The following AACS variants were observed in gnomAD, a reference collection of about 807,000 sequenced individuals.
AACS encodes acetoacetate-CoA ligase.
In AACS, 69 loss-of-function variants were observed where a neutral mutation model predicts 83.1. The ratio of observed to expected loss-of-function variants is 0.83; its 90% CI spans 0.68 to 1.01. The LOEUF is 1.01. AACS is among the 50% of genes least tolerant of loss of function. The pLI is 0.00. For missense variants in AACS, 866 were observed against 882.2 expected, an observed-to-expected ratio of 0.98 and a Z score of 0.23; for synonymous variants, 333 against 343.4, an observed-to-expected ratio of 0.97 and a Z score of 0.33.
chr12:125,065,843 C>G lies in AACS; in HGVS notation c.133+126C>G, dbSNP rs1420973643. ...GAGGAGCCACTTGATGGCGGGGAGG[C>G]CTTCTGACTGCGGGGTTCCCCCCAG... is the stretch of plus-strand genomic sequence containing the variant. On this transcript the variant is annotated intron_variant, in intron 1 of 17. Transcript: ENST00000316519. The G allele has an allele frequency of 2.2e-6, 3 of 1,335,146 alleles. No homozygotes were observed. The East Asian group carries it at 9.2e-5, about 41-fold the overall frequency. 82.7% of individuals were successfully genotyped at this position (1,335,146 alleles called of 1,614,324 possible).
chr12:125,114,611 G>T, intron 9 of AACS, 54 bp downstream of exon 9: 1 of 1,513,216 alleles, frequency 6.6e-7, no homozygotes. Flanking sequence ...GGGCTTCCCT[G>T]GGTGCCAGCC....
chr12:125,111,064 G>A (rs780994241), intron 8 of AACS, among the ~76,000 whole-genome samples: 4 of 152,192 alleles, frequency 2.6e-5, no homozygotes, highest in Non-Finnish European at 4.4e-5. Flanking sequence ...GGTCAGGGGT[G>A]GGGGGCAAAG....
At chr12:125,134,114 C>A in intron 15 of AACS, 42 bp downstream of exon 15, 1 of 1,600,230 alleles carries the variant, frequency 6.2e-7, no homozygotes, top group South Asian at 1.1e-5. Context: ...GGAGCCCCAC[C>A]TTCCAGAGGC....
intron 5 of AACS, among the ~76,000 whole-genome samples, chr12:125,096,800 G>T (rs1384397075): frequency 2.0e-5 from 3 of 152,006 alleles, no homozygotes; most frequent in Admixed American, 6.6e-5. Context: ...TTGCTCTCGG[G>T]GGGTGCATCT....
rs972824620 is a variant in AACS, at chr12:125,097,367, G to T, written c.571-5312G>T. On this transcript the variant is annotated intron_variant, in intron 5 of 17. Transcript: ENST00000316519. This position sits in a 1 kb window ranked among gnomAD's most constrained non-coding sequence, Gnocchi z 4.3. ...CTGATGTCCTGAGGCCAGGGGCCAAGTCCCTGTTACCTGTATGTCCCATGC... is the reference window on the plus strand; with the variant it reads ...CTGATGTCCTGAGGCCAGGGGCCAATTCCCTGTTACCTGTATGTCCCATGC... Among the ~76,000 whole-genome samples, 1 of 151,630 alleles carries T rather than the reference G, an allele frequency of 6.6e-6. No homozygotes were observed. The highest frequency in any genetic ancestry group is 1.5e-5 in the Non-Finnish European group (1 of 67,956).
intron 9 of AACS, chr12:125,118,164 G>T (rs1187809835): frequency 1.2e-5 from 2 of 162,036 alleles, no homozygotes; most frequent in Non-Finnish European, 1.3e-5. Flanking sequence ...CGGGCGGGAG[G>T]CAGGTTCCCG....
intron 15 of AACS, 93 bp downstream of exon 15, chr12:125,134,165 A>G: frequency 2.2e-6 from 3 of 1,379,294 alleles, no homozygotes; most frequent in Non-Finnish European, 3.0e-6. Flanking sequence ...AAAGTCAGTG[A>G]CCCCCTTCCT....
chr12:125,114,423 C>T, intron 8 of AACS, 54 bp from the exon 9 acceptor site: 24 of 1,474,302 alleles, frequency 1.6e-5, no homozygotes, highest in Non-Finnish European at 2.2e-5. Flanking sequence ...GTACCAGATT[C>T]CTGGTACTGT....
At position 125,124,909 on chromosome 12, in the gene AACS, CCA is replaced by C. The variant is rs772435620; in HGVS notation, c.1197_1198del (p.His399GlnfsTer57). On this transcript the variant is annotated frameshift_variant, in exon 12 of 18. Transcript: ENST00000316519. LOFTEE classifies it high-confidence loss of function. ...GGTGACTCTGCACCCCAGTGGAAAC[CCA>C]CAGTCTCCAGATGCTCCACACGATC... ...EEKAMKPVET[H>X]SLQMLHTILS... is the part of the protein sequence containing the mutation. 6.2e-7 allele frequency: 1 copy of C among 1,614,182 alleles called. No homozygotes were observed. Among genetic ancestry groups the C allele is most frequent in the Non-Finnish European group, 8.5e-7 (1 of 1,180,044 alleles).
intron 14 of AACS, among the ~76,000 whole-genome samples, chr12:125,133,115 C>T (rs953090409): frequency 2.6e-5 from 4 of 152,224 alleles, no homozygotes; most frequent in Non-Finnish European, 4.4e-5. Flanking sequence ...AGCAGAGATG[C>T]GCTTTTGATT....
intron 8 of AACS, among the ~76,000 whole-genome samples, chr12:125,112,485 C>T (rs773439607): frequency 6.6e-6 from 1 of 151,924 alleles, no homozygotes; most frequent in Non-Finnish European, 1.5e-5. Context: ...TCGAGACCAG[C>T]CTGGCCAACA....
At chr12:125,115,078 C>T (rs946489569) in intron 9 of AACS, among the ~76,000 whole-genome samples, 3 of 152,178 alleles carry the variant, frequency 2.0e-5, no homozygotes, top group African/African-American at 4.8e-5. Flanking sequence ...GTGGAATCCA[C>T]GCCATGAAAC....
chr12:125,074,067 C>T, intron 2 of AACS, 88 bp downstream of exon 2: 1 of 1,076,906 alleles, frequency 9.3e-7, no homozygotes, highest in Non-Finnish European at 1.4e-6. Flanking sequence ...TGAATTGTAT[C>T]TCCTTTTTAC....
intron 2 of AACS, among the ~76,000 whole-genome samples, chr12:125,075,117 G>A (rs1955989942): frequency 6.6e-6 from 1 of 151,686 alleles, no homozygotes; most frequent in Non-Finnish European, 1.5e-5. Flanking sequence ...TGGGATTACA[G>A]GCATGCGCCA....
At chr12:125,112,678 C>CAAAAAAAAAAAAAAAAA (rs56314902) in intron 8 of AACS, among the ~76,000 whole-genome samples, 1 of 108,440 alleles carries the variant, frequency 9.2e-6, no homozygotes, top group African/African-American at 3.9e-5. Flanking sequence ...GACTCTGTCT[C>CAAAAAAAAAAAAAAAAA]AAAAAAAAAA....
intron 1 of AACS, among the ~76,000 whole-genome samples, chr12:125,070,954 G>A (rs1366524575): frequency 6.6e-6 from 1 of 152,170 alleles, no homozygotes; most frequent in Non-Finnish European, 1.5e-5. Context: ...TATTGCTGGT[G>A]ACAAATCAGC....
intron 1 of AACS, 36 bp from the exon 2 acceptor site, chr12:125,073,840 C>T (rs1594570512): frequency 6.5e-7 from 1 of 1,547,486 alleles, no homozygotes; most frequent in South Asian, 1.1e-5. Context: ...GCCAAGATTT[C>T]CCTTCTAAGG....
intron 4 of AACS, among the ~76,000 whole-genome samples, chr12:125,090,066 C>T (rs1327502326): frequency 3.4e-5 from 5 of 145,550 alleles, no homozygotes; most frequent in African/African-American, 1.0e-4. Flanking sequence ...CCTCATCCAT[C>T]TATCCATCCA....
Position 125,097,433 on chromosome 12 carries a change from TAAAAAAA to T in AACS, c.571-5235_571-5229del, listed in dbSNP as rs35791342. Among the ~76,000 whole-genome samples, 6 of 136,096 alleles carry T rather than the reference TAAAAAAA, an allele frequency of 4.4e-5. No individual in the cohort carries two copies. The highest frequency in any genetic ancestry group is 9.5e-5 in the Non-Finnish European group (6 of 63,440). The allele number at this position is 136,096 out of a possible 152,430, so 89.3% of individuals were successfully genotyped here. A position where few individuals can be genotyped will look rare whatever the true frequency, so the allele number is the denominator to read the frequency against. On this transcript the variant is annotated intron_variant, in intron 5 of 17. Transcript: ENST00000316519. The surrounding 1 kb of genome is among the most constrained non-coding windows in gnomAD (Gnocchi z 4.3). ...TGCTGAAGTTGGCCAATGTTTTACT[TAAAAAAA>T]AAAAAAAAAAGTGCGTTGGGGCAGC...
Sources: gnomAD v4.1 joint callset for allele counts (sites outside exome capture counted in the v4.1 genomes callset) on GRCh38, gnomAD v4.1.1 for gene constraint, Gnocchi (gnomAD v3.1) non-coding constraint, MANE v1.5 for transcripts, NCBI Gene and HGNC (gene_info 2026-07-23, HGNC 2026-07-21) for gene names.